DISC1: variants seen among roughly 807,000 people sequenced by gnomAD.
DISC1 encodes DISC1 scaffold protein.
In DISC1, 57 loss-of-function variants were observed where a neutral mutation model predicts 84.5. The ratio of observed to expected loss-of-function variants is 0.67; its 90% CI spans 0.55 to 0.84. DISC1 has a LOEUF of 0.84. Among genes scored for constraint, DISC1 ranks in the 40% least tolerant of loss-of-function variants. The probability of loss-of-function intolerance (pLI) is 0.00; values close to 1 mark genes in which losing one functional copy is unlikely to be tolerated. For synonymous variants in DISC1, 411 were observed against 415.2 expected, an observed-to-expected ratio of 0.99 and a Z score of 0.12; for missense variants, 1,000 against 1,057.8, an observed-to-expected ratio of 0.95 and a Z score of 0.76.
intron 1 of DISC1, among the ~76,000 whole-genome samples, chr1:231,692,238 T>C (rs1287896163): frequency 6.6e-6 from 1 of 152,226 alleles, no homozygotes; most frequent in South Asian, 2.1e-4. Context: ...TTACTCTGAC[T>C]TCTTCCACCA....
intron 6 of DISC1, among the ~76,000 whole-genome samples, chr1:231,783,731 G>A (rs528010494): frequency 4.6e-5 from 7 of 152,308 alleles, no homozygotes; most frequent in African/African-American, 9.6e-5. Flanking sequence ...GTGTGAACGC[G>A]TGTGTGTGCT....
chr1:231,659,891 A>T (rs2061432751), intron 1 of DISC1, among the ~76,000 whole-genome samples: 1 of 152,122 alleles, frequency 6.6e-6, no homozygotes, highest in South Asian at 2.1e-4. Flanking sequence ...TTTATTTCCA[A>T]TTATGTGATC....
At chr1:231,714,004 A>C (rs2068321159) in intron 3 of DISC1, among the ~76,000 whole-genome samples, 1 of 151,800 alleles carries the variant, frequency 6.6e-6, no homozygotes, top group African/African-American at 2.4e-5. Flanking sequence ...ATATGTAGAA[A>C]ATCTTAAAGA....
chr1:231,886,795 CTTT>C (rs1292812338), intron 9 of DISC1, among the ~76,000 whole-genome samples: 1,514 of 142,428 alleles, frequency 0.011, 37 homozygotes, highest in African/African-American at 0.037. Flanking sequence ...TTCTTTCTTT[CTTT>C]CTTTCTTTCT....
intron 9 of DISC1, among the ~76,000 whole-genome samples, chr1:231,942,630 A>C: frequency 6.6e-6 from 1 of 152,288 alleles, no homozygotes; most frequent in African/African-American, 2.4e-5. Flanking sequence ...GCACCACTGC[A>C]CTCCAGCCTG....
At chr1:232,019,051 A>G (rs1195865080) in intron 11 of DISC1, among the ~76,000 whole-genome samples, 1 of 152,200 alleles carries the variant, frequency 6.6e-6, no homozygotes, top group East Asian at 1.9e-4. Context: ...TTACTTCAAT[A>G]AGCATTACTG....
At chr1:231,922,566 A>T (rs1243097814) in intron 9 of DISC1, among the ~76,000 whole-genome samples, 1 of 152,122 alleles carries the variant, frequency 6.6e-6, no homozygotes, top group Non-Finnish European at 1.5e-5. Context: ...TGTCCTAACC[A>T]CTTGGCTAGA....
chr1:231,661,580 T>C (rs528497792), intron 1 of DISC1, among the ~76,000 whole-genome samples: 2 of 152,382 alleles, frequency 1.3e-5, no homozygotes, highest in African/African-American at 4.8e-5. Flanking sequence ...GTGTTGTGTG[T>C]TTTCAGCTCC....
At chr1:231,705,358 A>C (rs1473459124) in intron 3 of DISC1, among the ~76,000 whole-genome samples, 1 of 149,518 alleles carries the variant, frequency 6.7e-6, no homozygotes, top group Non-Finnish European at 1.5e-5. Context: ...AGACAGTCCC[A>C]AAAAGGGACA....
intron 6 of DISC1, among the ~76,000 whole-genome samples, chr1:231,775,548 C>T (rs1198714744): frequency 1.3e-5 from 2 of 152,166 alleles, no homozygotes; most frequent in Admixed American, 6.5e-5. Context: ...GTTACCATCC[C>T]AGAGACATCA....
chr1:232,004,190 T>A (rs1300183348), intron 10 of DISC1, among the ~76,000 whole-genome samples: 3 of 151,620 alleles, frequency 2.0e-5, no homozygotes, highest in Non-Finnish European at 4.4e-5. Flanking sequence ...AAAAGTAAGA[T>A]AATAAATCCA....
intron 10 of DISC1, among the ~76,000 whole-genome samples, chr1:232,008,038 T>G (rs1667675918): frequency 1.3e-5 from 2 of 152,172 alleles, no homozygotes; most frequent in Non-Finnish European, 2.9e-5. Context: ...TCTGCCATGA[T>G]TGTCAGTTTC....
chr1:231,821,848 G>A (rs2081524837), intron 9 of DISC1, among the ~76,000 whole-genome samples: 1 of 151,894 alleles, frequency 6.6e-6, no homozygotes, highest in East Asian at 1.9e-4. Flanking sequence ...CAGGTAGCTG[G>A]GATTATAGGC....
At chr1:232,018,271 C>T (rs1668659778) in intron 11 of DISC1, among the ~76,000 whole-genome samples, 1 of 152,250 alleles carries the variant, frequency 6.6e-6, no homozygotes, top group Non-Finnish European at 1.5e-5. Context: ...TATTCCCTAC[C>T]CTTTGAATAT....
At position 232,013,957 on chromosome 1, in the gene DISC1, C is replaced by T. The variant is rs541041298; in HGVS notation, c.2307+4908C>T. Among the ~76,000 whole-genome samples the T allele has an allele frequency of 2.0e-5, 3 of 152,050 alleles. No individual in the cohort carries two copies. The South Asian group carries it at 6.2e-4, about 32-fold the overall frequency. Reference sequence around the variant, plus strand: ...TGTGAGAGGGGAGGGCAAGAGAAGGCAGAGAGATCTTGCTTCTGAGGCCTT... The same window carrying T: ...TGTGAGAGGGGAGGGCAAGAGAAGGTAGAGAGATCTTGCTTCTGAGGCCTT... On this transcript the variant is annotated intron_variant, in intron 11 of 12. Transcript: ENST00000439617.
chr1:231,981,198 C>G (rs1016333862), intron 10 of DISC1, among the ~76,000 whole-genome samples: 5 of 152,196 alleles, frequency 3.3e-5, no homozygotes, highest in African/African-American at 1.2e-4. Flanking sequence ...TCTGCCTAGG[C>G]CTCCCAAAGT....
At position 231,701,949 on chromosome 1, in the gene DISC1, A is replaced by G. The variant is rs753930370; in HGVS notation, c.1048-6A>G. 4 of 1,597,872 alleles carry G rather than the reference A, an allele frequency of 2.5e-6. No homozygotes were observed. Among genetic ancestry groups the G allele is most frequent in the Non-Finnish European group, 3.4e-6 (4 of 1,171,680 alleles). ...TTTTTATTTTTTCCCCTTTAAACCA[A>G]CATAGGTAATATCCTTAAGATTAAA... On this transcript the variant is annotated splice_polypyrimidine_tract_variant and splice_region_variant and intron_variant, in intron 2 of 12. Transcript: ENST00000439617.
chr1:232,025,500 TC>T (rs1669361637), intron 11 of DISC1, among the ~76,000 whole-genome samples: 1 of 152,094 alleles, frequency 6.6e-6, no homozygotes, highest in Admixed American at 6.5e-5. Flanking sequence ...ACTTAATTGT[TC>T]ATTCATCAAA....
chr1:232,010,701 A>G (rs577489019), intron 11 of DISC1, among the ~76,000 whole-genome samples: 1 of 152,294 alleles, frequency 6.6e-6, no homozygotes, highest in South Asian at 2.1e-4. Context: ...AAACCAGTGT[A>G]TTTTTATGCT....
Sources: allele counts gnomAD v4.1 joint callset (sites outside exome capture counted in the v4.1 genomes callset), GRCh38; gene constraint gnomAD v4.1.1; transcripts MANE v1.5; gene names NCBI Gene and HGNC (gene_info 2026-07-23, HGNC 2026-07-21).